The following DNAH11 variants were observed in gnomAD, a reference collection of about 807,000 sequenced individuals.
The protein encoded by DNAH11 is axonemal beta dynein heavy chain 11.
Under a neutral mutation model 526.0 loss-of-function variants are expected in DNAH11, and 442 were observed. That is an observed-to-expected ratio of 0.84 (90% CI 0.78 to 0.91). The LOEUF is 0.91. DNAH11 is among the 40% of genes least tolerant of loss of function. The probability of loss-of-function intolerance (pLI) is 0.00; values close to 1 mark genes in which losing one functional copy is unlikely to be tolerated. For synonymous variants in DNAH11, 2,461 were observed against 1,935.9 expected (o/e 1.27, Z -7.12); for missense variants, 6,989 against 5,448.7 (o/e 1.28, Z -8.90).
At chr7:21,681,116 C>G (rs141174083) in intron 30 of DNAH11, among the ~76,000 whole-genome samples, 1 of 152,210 alleles carries the variant, frequency 6.6e-6, no homozygotes, top group Non-Finnish European at 1.5e-5. Flanking sequence ...TGAGGTCCAG[C>G]TGGGGTAACA....
At chr7:21,863,904 T>C (rs907035926) in intron 69 of DNAH11, among the ~76,000 whole-genome samples, 1 of 152,238 alleles carries the variant, frequency 6.6e-6, no homozygotes, top group South Asian at 2.1e-4. Flanking sequence ...TTTACCTGTT[T>C]AGCTTTGTGG....
intron 59 of DNAH11, 32 bp from the exon 60 acceptor site, chr7:21,787,369 G>A (rs751258668): frequency 6.4e-7 from 1 of 1,570,790 alleles, no homozygotes; most frequent in Non-Finnish European, 8.7e-7. Context: ...AGCCAAAATG[G>A]GTTCATTGCA....
rs2286270 is a variant in DNAH11, at chr7:21,765,801, C to G, written c.9102+212C>G. Among the ~76,000 whole-genome samples the G allele has an allele frequency of 0.41, 62,305 of 152,102 alleles. 14,757 individuals are homozygous for G. Among genetic ancestry groups the G allele is most frequent in the Non-Finnish European group, 0.54 (36,838 of 67,974 alleles). ...GCTGACCTTTTTTCCACCATACATACTGAGGAGGATGTGCACACGTGCGTG... is the reference window on the plus strand; with the variant it reads ...GCTGACCTTTTTTCCACCATACATAGTGAGGAGGATGTGCACACGTGCGTG... On this transcript the variant is annotated intron_variant, in intron 55 of 81. Transcript: ENST00000409508.
intron 55 of DNAH11, among the ~76,000 whole-genome samples, chr7:21,765,901 T>G (rs1787166381): frequency 6.6e-6 from 1 of 152,156 alleles, no homozygotes; most frequent in African/African-American, 2.4e-5. Context: ...GGATCATTAC[T>G]TCCTTGAATC....
chr7:21,883,665 C>A (rs1196324235), intron 75 of DNAH11, among the ~76,000 whole-genome samples: 1 of 152,204 alleles, frequency 6.6e-6, no homozygotes, highest in Non-Finnish European at 1.5e-5. Flanking sequence ...GAACCAACAT[C>A]CTTTCACAAT....
In DNAH11 at chr7:21,744,562, A is replaced by G. The variant is rs72657366; in HGVS notation, c.8279A>G (p.Gln2760Arg). ...GACAAAAAAGATTGTGATTTGTTTC[A>G]GAGAAGAATGCTGGAAACTGCTTAT... Reference protein sequence around the residue: ...LIDKKDCDLFQRRMLETAYKY... With the variant: ...LIDKKDCDLFRRRMLETAYKY... The change falls in exon 50 of 82, where the codon CAG (glutamine) becomes CGG (arginine). Residue 2760 changes from glutamine (Q) to arginine (R), a missense_variant. Gln to Arg is a conservative substitution (Grantham distance 43). Transcript: ENST00000409508. 279 of 1,613,618 alleles carry G rather than the reference A, an allele frequency of 1.7e-4. 1 individual carries two copies. In the African/African-American group the frequency reaches 3.3e-3, roughly 19 times the overall value.
chr7:21,671,471 C>T (rs1252031078), intron 30 of DNAH11, among the ~76,000 whole-genome samples: 1 of 152,184 alleles, frequency 6.6e-6, no homozygotes, highest in Non-Finnish European at 1.5e-5. Flanking sequence ...TCAGTATTAT[C>T]CTCAGAACAT....
chr7:21,594,001 A>G (rs951354702), intron 14 of DNAH11, among the ~76,000 whole-genome samples: 1 of 148,772 alleles, frequency 6.7e-6, no homozygotes, highest in African/African-American at 2.5e-5. Context: ...TCTTCCTCTC[A>G]CATATCACAC....
At chr7:21,616,951 T>C (rs1434468919) in intron 22 of DNAH11, among the ~76,000 whole-genome samples, 2 of 152,178 alleles carry the variant, frequency 1.3e-5, no homozygotes, top group Admixed American at 6.5e-5. Flanking sequence ...TGCCTCAGCT[T>C]CTACCCACTC....
chr7:21,590,485 G>T (rs1431401355), intron 12 of DNAH11, among the ~76,000 whole-genome samples: 1 of 152,174 alleles, frequency 6.6e-6, no homozygotes, highest in Non-Finnish European at 1.5e-5. Flanking sequence ...TCTCATGGCA[G>T]TCAAAATGCA....
At chr7:21,864,413 G>A (rs1373071042) in intron 69 of DNAH11, 122 bp from the exon 70 acceptor site, 2 of 806,614 alleles carry the variant, frequency 2.5e-6, no homozygotes, top group East Asian at 2.8e-5. Context: ...CAGATGTCAA[G>A]TGGAGTTCCC....
intron 61 of DNAH11, among the ~76,000 whole-genome samples, chr7:21,796,256 A>T (rs1788710655): frequency 6.6e-6 from 1 of 152,232 alleles, no homozygotes; most frequent in Non-Finnish European, 1.5e-5. Context: ...AGTGGGCCCT[A>T]GCAGAATAAA....
rs1464739811 is a variant in DNAH11 at position 21,798,109 on chromosome 7, A to C, written c.10027-3028A>C. Among the ~76,000 whole-genome samples, 3 of 152,182 alleles carry C rather than the reference A, an allele frequency of 2.0e-5. No individual in the cohort carries two copies. In the East Asian group the frequency reaches 5.8e-4, roughly 29 times the overall value. On this transcript the variant is annotated intron_variant, in intron 61 of 81. Coordinates refer to ENST00000409508, the MANE Select transcript of DNAH11 (RefSeq NM_001277115.2). ...GGAACTAGAACCAAGACATTCATTC[A>C]TTCATTTGAGACAGTGTCATTCCGT...
At chr7:21,900,964 A>G (rs761958717) in intron 81 of DNAH11, 43 bp from the exon 82 acceptor site, 3 of 1,525,046 alleles carry the variant, frequency 2.0e-6, no homozygotes, top group African/African-American at 1.4e-5. Context: ...TATCATTAGT[A>G]GCAAGCTGCC....
At chr7:21,681,499 C>G in intron 30 of DNAH11, 47 bp from the exon 31 acceptor site, 3 of 1,578,180 alleles carry the variant, frequency 1.9e-6, no homozygotes, top group Non-Finnish European at 2.6e-6. Context: ...CTCTTAAATT[C>G]TGTATTTGTA....
rs762894594 is a variant in DNAH11, at chr7:21,773,866, A to G, written c.9203A>G (p.Tyr3068Cys). Residue 3068 changes from tyrosine (Y) to cysteine (C), a missense_variant, in exon 56 of 82, where the codon TAT becomes TGT. Physicochemically the swap from Tyr to Cys is radical, Grantham distance 194. Transcript: ENST00000409508. ...RYYQNERRHN[Y>C]TTPKSFLEQI... Reference sequence around the variant, plus strand: ...TACCAGAATGAGAGAAGACACAACTATACCACCCCAAAGAGTTTTCTAGAA... The same window carrying G: ...TACCAGAATGAGAGAAGACACAACTGTACCACCCCAAAGAGTTTTCTAGAA... 2.4e-5 allele frequency: 39 copies of G among 1,607,442 alleles called. 1 individual carries two copies. The highest frequency in any genetic ancestry group is 1.7e-5 in the Admixed American group (1 of 59,148).
chr7:21,697,969 G>T (rs1055030916), intron 35 of DNAH11, 106 bp from the exon 36 acceptor site: 2 of 1,194,106 alleles, frequency 1.7e-6, no homozygotes, highest in African/African-American at 3.1e-5. Context: ...ATTATGATCT[G>T]CTTAGGAATG....
chr7:21,675,467 A>G (rs891501280), intron 30 of DNAH11, among the ~76,000 whole-genome samples: 1 of 152,156 alleles, frequency 6.6e-6, no homozygotes, highest in African/African-American at 2.4e-5. Flanking sequence ...TCTAATCCCT[A>G]TATCAGGCAA....
Position 21,738,579 on chromosome 7 carries a change from G to A in DNAH11, c.7646-122G>A, listed in dbSNP as rs886789. On this transcript the variant is annotated intron_variant, in intron 46 of 81. Coordinates refer to ENST00000409508, the MANE Select transcript of DNAH11 (RefSeq NM_001277115.2). ...ATCCCGGGTCTCTTAACCTATGAAG[G>A]GGCGATACCTGAAACCACAGGGTGG... 0.92 allele frequency: 878,077 copies of A among 950,500 alleles called. 406,356 individuals carry two copies. Among genetic ancestry groups the A allele is most frequent in the African/African-American group, 0.95 (55,934 of 59,186 alleles). 58.9% of individuals were successfully genotyped at this position (950,500 alleles called of 1,614,324 possible).
Sources: gnomAD v4.1 joint callset for allele counts (sites outside exome capture counted in the v4.1 genomes callset) on GRCh38, gnomAD v4.1.1 for gene constraint, MANE v1.5 for transcripts, NCBI Gene and HGNC (gene_info 2026-07-23, HGNC 2026-07-21) for gene names.